MAMLD1: variants seen among roughly 807,000 people sequenced by gnomAD.
MAMLD1 encodes the protein mastermind like domain containing 1.
Under a neutral mutation model 45.0 loss-of-function variants are expected in MAMLD1, and 14 were observed. The ratio of observed to expected loss-of-function variants is 0.31; its 90% CI spans 0.21 to 0.49. The LOEUF is 0.49. Among genes scored for constraint, MAMLD1 ranks in the 20% least tolerant of loss-of-function variants. MAMLD1 has a pLI of 0.99. For missense variants in MAMLD1, 543 were observed against 603.6 expected, an observed-to-expected ratio of 0.90 and a Z score of 1.05; for synonymous variants, 254 against 247.8, an observed-to-expected ratio of 1.02 and a Z score of -0.24.
rs2032715316 is a variant in MAMLD1, at chrX:150,382,904, TTTTA to T, written c.-64+19378_-64+19381del. 1.2e-4 allele frequency among the ~76,000 whole-genome samples: 3 copies of T among 25,973 alleles called. 1 individual carries two copies. Among genetic ancestry groups the T allele is most frequent in the Non-Finnish European group, 2.1e-4 (3 of 14,336 alleles). The allele number at this position is 25,973 out of a possible 115,157, so 22.6% of individuals were successfully genotyped here. A position where few individuals can be genotyped will look rare whatever the true frequency, so the allele number is the denominator to read the frequency against. ...TATTTTATTTTTTTTTTTTTTTATTTTTTATTTTTTTTTTTTTTGAGACGGAGTC... is the reference window on the plus strand; with the variant it reads ...TATTTTATTTTTTTTTTTTTTTATTTTTTTTTTTTTTTTTGAGACGGAGTC... On this transcript the variant is annotated intron_variant, in intron 1 of 7. Transcript: ENST00000370401.
intron 4 of MAMLD1, 83 bp downstream of exon 4, chrX:150,471,573 G>A: frequency 8.4e-7 from 1 of 1,191,725 alleles, no homozygotes; most frequent in South Asian, 1.8e-5. Flanking sequence ...TGGCTCTGGA[G>A]GGTAAATCCA....
intron 1 of MAMLD1, among the ~76,000 whole-genome samples, chrX:150,412,604 T>C (rs1437494977): frequency 9.0e-6 from 1 of 111,167 alleles, no homozygotes; most frequent in Non-Finnish European, 1.9e-5. Flanking sequence ...CCTTACAGAG[T>C]TGTTACAACT....
intron 1 of MAMLD1, among the ~76,000 whole-genome samples, chrX:150,441,504 C>T (rs781864980): frequency 4.1e-4 from 45 of 110,202 alleles, no homozygotes; most frequent in African/African-American, 1.3e-3. Flanking sequence ...CACTTTAATT[C>T]AGTTCAATGT....
At chrX:150,408,809 T>G (rs2034056873) in intron 1 of MAMLD1, among the ~76,000 whole-genome samples, 1 of 112,271 alleles carries the variant, frequency 8.9e-6, no homozygotes, top group Admixed American at 9.4e-5. Flanking sequence ...GGCATTTGGT[T>G]GCATGAGCTG....
chrX:150,399,296 T>C (rs1603236906), intron 1 of MAMLD1, among the ~76,000 whole-genome samples: 1 of 111,801 alleles, frequency 8.9e-6, no homozygotes, highest in Non-Finnish European at 1.9e-5. Context: ...AAGACAGATT[T>C]GAATGATGTG....
intron 1 of MAMLD1, among the ~76,000 whole-genome samples, chrX:150,380,282 T>G (rs2032539892): frequency 8.9e-6 from 1 of 112,095 alleles, no homozygotes; most frequent in South Asian, 3.7e-4. Flanking sequence ...AGGAGTGGCT[T>G]GGAACATCTT....
chrX:150,471,013 C>A lies in MAMLD1; in HGVS notation c.1440C>A (p.Ile480=). ...CCTTCACCCCACAGTGTTCCCTGAT[C>A]CGAAGCCTCACTCCCACCAGTAATC... ...QQSFTPQCSL[I]RSLTPTSNLL... Residue 480 remains isoleucine (I), a synonymous_variant, in exon 4 of 8, where the codon ATC becomes ATA. Transcript: ENST00000370401. 2.5e-6 allele frequency: 3 copies of A among 1,211,938 alleles called. No homozygotes were observed. The highest frequency in any genetic ancestry group is 1.7e-5 in the African/African-American group (1 of 57,811).
At chrX:150,418,080 G>T in intron 1 of MAMLD1, among the ~76,000 whole-genome samples, 1 of 110,970 alleles carries the variant, frequency 9.0e-6, no homozygotes, top group African/African-American at 3.3e-5. Context: ...GACTCTTTTT[G>T]GTTGGTAGGC....
In MAMLD1 at chrX:150,470,960, C is replaced by G. The variant is rs2036400971; in HGVS notation, c.1387C>G (p.Leu463Val). 15 of 1,210,301 alleles carry G rather than the reference C, an allele frequency of 1.2e-5. No individual in the cohort carries two copies. Among genetic ancestry groups the G allele is most frequent in the Non-Finnish European group, 1.7e-5 (15 of 895,332 alleles). Residue 463 changes from leucine (L) to valine (V), a missense_variant, in exon 4 of 8, where the codon CTC becomes GTC. Transcript: ENST00000370401. ...GTCCCCACCCTATCGCCCAGAGAAGCTCTCTAGCCCAGGCTTGCCACAGCA... is the reference window on the plus strand; with the variant it reads ...GTCCCCACCCTATCGCCCAGAGAAGGTCTCTAGCCCAGGCTTGCCACAGCA... Reference protein sequence around the residue: ...GPSPPYRPEKLSSPGLPQQSF... With the variant: ...GPSPPYRPEKVSSPGLPQQSF...
intron 5 of MAMLD1, among the ~76,000 whole-genome samples, chrX:150,494,858 T>G (rs1212599078): frequency 9.1e-6 from 1 of 109,514 alleles, no homozygotes; most frequent in Non-Finnish European, 1.9e-5. Context: ...CACTCCAGCC[T>G]GGGTGACCAG....
Position 150,486,269 on chromosome X carries a change from C to T in MAMLD1, c.2040+12467C>T, listed in dbSNP as rs73615236. On this transcript the variant is annotated intron_variant, in intron 5 of 7. Coordinates refer to ENST00000370401, the MANE Select transcript of MAMLD1 (RefSeq NM_005491.5). ...TCCAGAGGCTACAAATTTCCTCCTGCCCCATTCAGAGAGCAGGAGAATGGC... is the reference window on the plus strand; with the variant it reads ...TCCAGAGGCTACAAATTTCCTCCTGTCCCATTCAGAGAGCAGGAGAATGGC... Among the ~76,000 whole-genome samples, 591 of 111,934 alleles carry T rather than the reference C, an allele frequency of 5.3e-3. 6 individuals carry two copies. The highest frequency in any genetic ancestry group is 0.019 in the African/African-American group (574 of 30,777).
intron 5 of MAMLD1, among the ~76,000 whole-genome samples, chrX:150,493,004 A>G (rs781870589): frequency 2.5e-4 from 28 of 111,635 alleles, no homozygotes; most frequent in Non-Finnish European, 4.9e-4. Flanking sequence ...TCCCCCTCCC[A>G]TAAATGTAGG....
intron 1 of MAMLD1, among the ~76,000 whole-genome samples, chrX:150,394,919 C>A (rs782365687): frequency 5.8e-4 from 65 of 111,429 alleles, no homozygotes; most frequent in African/African-American, 2.1e-3. Flanking sequence ...ATGGGTGTAC[C>A]TTTTGTTTCC....
rs187785150 is a variant in MAMLD1 at position 150,380,701 on chromosome X, T to C, written c.-64+17171T>C. Among the ~76,000 whole-genome samples the C allele has an allele frequency of 4.6e-4, 51 of 111,614 alleles. 1 individual carries two copies. The East Asian group carries it at 0.013, about 28-fold the overall frequency. ...ATTTGGAGTTTATTCTTATGAATGGTATATGGGAGGGATCTTACTTTACCT... is the reference window on the plus strand; with the variant it reads ...ATTTGGAGTTTATTCTTATGAATGGCATATGGGAGGGATCTTACTTTACCT... On this transcript the variant is annotated intron_variant, in intron 1 of 7. Coordinates refer to ENST00000370401, the MANE Select transcript of MAMLD1 (RefSeq NM_005491.5).
intron 5 of MAMLD1, among the ~76,000 whole-genome samples, chrX:150,490,562 T>C (rs1286150045): frequency 6.2e-5 from 7 of 112,369 alleles, no homozygotes; most frequent in African/African-American, 2.3e-4. Context: ...GCACACTGAA[T>C]ATTTGGCTTC....
intron 1 of MAMLD1, among the ~76,000 whole-genome samples, chrX:150,418,362 A>C (rs2034342452): frequency 1.8e-5 from 2 of 109,420 alleles, no homozygotes; most frequent in South Asian, 7.9e-4. Flanking sequence ...GTGGTCTATC[A>C]ATTTTGTTGA....
chrX:150,471,208 G>A lies in MAMLD1; in HGVS notation c.1635G>A (p.Leu545=). ...TTACTTTTGGCAACACCAAGCCCTT[G>A]TCCCATTTTGTTTCTGAGCCGGGTC... ...EPFTFGNTKP[L]SHFVSEPGPQ... The change falls in exon 4 of 8, where the codon TTG becomes TTA. Residue 545 remains leucine (L), a synonymous_variant. Coordinates refer to ENST00000370401, the MANE Select transcript of MAMLD1 (RefSeq NM_005491.5). 1 of 1,211,868 alleles carries A rather than the reference G, an allele frequency of 8.3e-7. No homozygotes were observed. Among genetic ancestry groups the A allele is most frequent in the Non-Finnish European group, 1.1e-6 (1 of 895,555 alleles).
At chrX:150,475,931 G>T (rs185226599) in intron 5 of MAMLD1, among the ~76,000 whole-genome samples, 1 of 111,965 alleles carries the variant, frequency 8.9e-6, no homozygotes, top group East Asian at 2.8e-4. Flanking sequence ...AAGGTAATGT[G>T]GTGCAAATAC....
At chrX:150,511,407 G>A (rs2037894025) in intron 7 of MAMLD1, among the ~76,000 whole-genome samples, 1 of 111,714 alleles carries the variant, frequency 9.0e-6, no homozygotes, top group Admixed American at 9.4e-5. Context: ...ACCCATTACC[G>A]TTCAGTTGAA....
Sources: gnomAD v4.1 joint callset for allele counts (sites outside exome capture counted in the v4.1 genomes callset) on GRCh38, gnomAD v4.1.1 for gene constraint, MANE v1.5 for transcripts, NCBI Gene and HGNC (gene_info 2026-07-23, HGNC 2026-07-21) for gene names.